Variants in TRIP4 observed in about 807,000 individuals in gnomAD.
TRIP4 encodes activating signal cointegrator 1.
A neutral mutation model predicts 81.8 loss-of-function variants in TRIP4; 54 were observed. The observed-to-expected ratio is 0.66, with a 90% CI of 0.53 to 0.83. TRIP4 has a LOEUF of 0.83. Among genes scored for constraint, TRIP4 ranks in the 40% least tolerant of loss-of-function variants. TRIP4 has a pLI of 0.00. For missense variants in TRIP4, 662 were observed against 683.6 expected (o/e 0.97, Z 0.35); for synonymous variants, 270 against 242.8 (o/e 1.11, Z -1.04).
chr15:64,445,221 A>T (rs1892600634), intron 12 of TRIP4, 113 bp downstream of exon 12: 1 of 564,540 alleles, frequency 1.8e-6, no homozygotes, highest in Admixed American at 3.5e-5. Flanking sequence ...CAGTTGAGGT[A>T]ACCCACTACC....
intron 11 of TRIP4, among the ~76,000 whole-genome samples, chr15:64,428,666 T>A (rs375846857): frequency 6.6e-5 from 10 of 152,276 alleles, no homozygotes; most frequent in African/African-American, 2.4e-4. Flanking sequence ...TGGAATGCAG[T>A]GGTGCAATCT....
At chr15:64,408,407 C>T (rs576490946) in intron 6 of TRIP4, among the ~76,000 whole-genome samples, 2 of 151,650 alleles carry the variant, frequency 1.3e-5, no homozygotes, top group East Asian at 3.9e-4. Context: ...TACAGGCGCC[C>T]GCCACTACGC....
At chr15:64,440,603 T>G (rs986575127) in intron 11 of TRIP4, among the ~76,000 whole-genome samples, 15 of 152,200 alleles carry the variant, frequency 9.9e-5, no homozygotes, top group Non-Finnish European at 1.6e-4. Flanking sequence ...CTGTTTCTTG[T>G]AAGCCCCTTG....
intron 11 of TRIP4, among the ~76,000 whole-genome samples, chr15:64,426,932 A>C (rs1319558259): frequency 6.6e-6 from 1 of 151,908 alleles, no homozygotes; most frequent in Non-Finnish European, 1.5e-5. Context: ...CCCAGAAGGC[A>C]GAGGTTGCAG....
intron 1 of TRIP4, among the ~76,000 whole-genome samples, chr15:64,388,802 C>G (rs1000473132): frequency 6.6e-6 from 1 of 152,230 alleles, no homozygotes; most frequent in Non-Finnish European, 1.5e-5. Context: ...TAATTTTTCT[C>G]TCTGTACCCT....
At chr15:64,421,765 C>T (rs955857308) in intron 9 of TRIP4, among the ~76,000 whole-genome samples, 26 of 152,100 alleles carry the variant, frequency 1.7e-4, no homozygotes, top group Admixed American at 8.5e-4. Flanking sequence ...AAGAGGCTGC[C>T]GGGCACGGTG....
intron 3 of TRIP4, 115 bp downstream of exon 3, chr15:64,395,646 C>T: frequency 1.7e-6 from 2 of 1,211,602 alleles, no homozygotes; most frequent in Non-Finnish European, 2.2e-6. Context: ...TCAACAAATG[C>T]ATGAATTTTA....
At position 64,397,621 on chromosome 15, in the gene TRIP4, A is replaced by G. The variant is rs776489501; in HGVS notation, c.421A>G (p.Asn141Asp). ...TGTACGATAGGCACAAGAGAACAGC[A>G]ACTCCGTAAAGAAGAAGACAAAGTT... ...FDLAKAQENSNSVKKKTKFVN... is the reference protein window; with the variant it reads ...FDLAKAQENSDSVKKKTKFVN... Residue 141 changes from asparagine to aspartate, a missense_variant, in exon 4 of 13, where the codon AAC becomes GAC. Asn to Asp is a conservative substitution (Grantham distance 23, BLOSUM62 1). Transcript: ENST00000261884. 1 of 1,612,376 alleles carries G rather than the reference A, an allele frequency of 6.2e-7. No individual in the cohort carries two copies. Among genetic ancestry groups the G allele is most frequent in the Non-Finnish European group, 8.5e-7 (1 of 1,178,406 alleles).
chr15:64,431,108 T>C (rs927132163), intron 11 of TRIP4, among the ~76,000 whole-genome samples: 1 of 152,086 alleles, frequency 6.6e-6, no homozygotes, highest in East Asian at 1.9e-4. Context: ...GATGAGAAAT[T>C]AGAAAATGAA....
At chr15:64,412,055 G>T (rs1214818503) in intron 7 of TRIP4, among the ~76,000 whole-genome samples, 1 of 152,066 alleles carries the variant, frequency 6.6e-6, no homozygotes, top group Non-Finnish European at 1.5e-5. Context: ...CCTTGTCAAA[G>T]ATTTTTTAAA....
At chr15:64,430,740 C>T (rs1198146188) in intron 11 of TRIP4, among the ~76,000 whole-genome samples, 1 of 152,134 alleles carries the variant, frequency 6.6e-6, no homozygotes, top group Non-Finnish European at 1.5e-5. Context: ...GAATCCATTC[C>T]TTTCCTGCCA....
intron 8 of TRIP4, among the ~76,000 whole-genome samples, chr15:64,415,410 C>A (rs1466761811): frequency 6.6e-6 from 1 of 152,120 alleles, no homozygotes; most frequent in Non-Finnish European, 1.5e-5. Flanking sequence ...ACCTAAACAA[C>A]AGAAATTTAT....
At chr15:64,390,416 G>A (rs982082174) in intron 1 of TRIP4, among the ~76,000 whole-genome samples, 5 of 149,974 alleles carry the variant, frequency 3.3e-5, no homozygotes, top group Non-Finnish European at 7.4e-5. Context: ...AGCTGATACC[G>A]CACCACTGCA....
intron 11 of TRIP4, among the ~76,000 whole-genome samples, chr15:64,443,516 A>C (rs1158670502): frequency 6.6e-6 from 1 of 152,178 alleles, no homozygotes; most frequent in African/African-American, 2.4e-5. Flanking sequence ...CTCTGGTTTT[A>C]TTTGTGCCAA....
intron 5 of TRIP4, among the ~76,000 whole-genome samples, chr15:64,405,878 G>C (rs1355062349): frequency 6.6e-6 from 1 of 152,146 alleles, no homozygotes; most frequent in Non-Finnish European, 1.5e-5. Context: ...TGTTGTCTCA[G>C]CTATTCAGGA....
chr15:64,434,226 C>T (rs1047303834), intron 11 of TRIP4, among the ~76,000 whole-genome samples: 5 of 152,048 alleles, frequency 3.3e-5, no homozygotes, highest in Admixed American at 2.6e-4. Flanking sequence ...ATGGAAAAAC[C>T]CCGTCTCTAC....
intron 2 of TRIP4, 43 bp downstream of exon 2, chr15:64,394,158 G>T (rs1218839914): frequency 2.0e-6 from 3 of 1,493,126 alleles, no homozygotes; most frequent in South Asian, 1.4e-5. Context: ...ATTGGTAAGT[G>T]GGCAGGCTTA....
intron 7 of TRIP4, among the ~76,000 whole-genome samples, chr15:64,411,246 A>C (rs1224186992): frequency 2.0e-5 from 3 of 152,220 alleles, no homozygotes; most frequent in African/African-American, 7.2e-5. Flanking sequence ...ATGTCATTAT[A>C]AATTTGTCCA....
In TRIP4 at chr15:64,387,895, C is replaced by T. The variant is rs746056631; in HGVS notation, c.32C>T (p.Pro11Leu). 7.7e-6 allele frequency: 12 copies of T among 1,549,458 alleles called. No homozygotes were observed. The highest frequency in any genetic ancestry group is 2.4e-5 in the South Asian group (2 of 83,968). MAVAGAVSGE[P>L]LVHWCTQQLR... ...GTGGCTGGGGCGGTGTCCGGGGAGC[C>T]GCTGGTGCACTGGTGCACCCAGCAG... Residue 11 changes from proline to leucine, a missense_variant, in exon 1 of 13, where the codon CCG becomes CTG. Transcript: ENST00000261884.
Sources: allele counts gnomAD v4.1 joint callset (sites outside exome capture counted in the v4.1 genomes callset), GRCh38; gene constraint gnomAD v4.1.1; transcripts MANE v1.5; gene names NCBI Gene and HGNC (gene_info 2026-07-23, HGNC 2026-07-21).